The following TIMM50 variants were observed in gnomAD, a reference collection of about 807,000 sequenced individuals.
TIMM50 encodes the protein translocase of inner mitochondrial membrane 50.
Under a neutral mutation model 49.6 loss-of-function variants are expected in TIMM50, and 34 were observed. The observed-to-expected ratio is 0.69, with a 90% CI of 0.52 to 0.91. The LOEUF is 0.91. TIMM50 is among the 40% of genes least tolerant of loss of function. TIMM50 has a pLI of 0.00. For missense variants in TIMM50, 458 were observed against 477.8 expected, an observed-to-expected ratio of 0.96 and a Z score of 0.39; for synonymous variants, 199 against 198.4, an observed-to-expected ratio of 1.00 and a Z score of -0.03.
rs548403255 is a variant in TIMM50 at position 39,483,619 on chromosome 19, C to T, written c.313+463C>T. 1.9e-4 allele frequency: 30 copies of T among 159,292 alleles called. 1 individual carries two copies. The South Asian group carries it at 5.0e-3, about 26-fold the overall frequency. The allele number at this position is 159,292 out of a possible 1,614,324, so 9.9% of individuals were successfully genotyped here. A position where few individuals can be genotyped will look rare whatever the true frequency, so the allele number is the denominator to read the frequency against. On this transcript the variant is annotated intron_variant, in intron 4 of 10. Transcript: ENST00000607714. ...TAGAGAGTAGCTGTCAATCCTGTCA[C>T]ACCTGGCTCTTCCTAGGAGAAAAAT...
chr19:39,486,174 A>T lies in TIMM50; in HGVS notation c.493-13A>T, dbSNP rs765928934. On this transcript the variant is annotated splice_polypyrimidine_tract_variant and intron_variant, in intron 6 of 10. Transcript: ENST00000607714. ...TGGGTCTTGGTGTTTCACTGTCCTC[A>T]CTGTCTTCCCAGCTGGCCACTGGCT... The T allele has an allele frequency of 7.4e-6, 12 of 1,613,510 alleles. No homozygotes were observed. Among genetic ancestry groups the T allele is most frequent in the Non-Finnish European group, 1.0e-5 (12 of 1,179,644 alleles).
At position 39,481,991 on chromosome 19, in the gene TIMM50, C is replaced by T. The variant is rs78005989; in HGVS notation, c.217C>T (p.Leu73=). The change falls in exon 2 of 11, where the codon CTG becomes TTG. Residue 73 remains leucine, a synonymous_variant. Coordinates refer to ENST00000607714, the MANE Select transcript of TIMM50 (RefSeq NM_001001563.5). ...AAAAGTTGCGCTCTGGCTTGCTGGGCTGCTTGGAGCTGGTGGGACTGTGAG... is the reference window on the plus strand; with the variant it reads ...AAAAGTTGCGCTCTGGCTTGCTGGGTTGCTTGGAGCTGGTGGGACTGTGAG... ...AKKVALWLAG[L]LGAGGTVSVV... 444 of 1,614,164 alleles carry T rather than the reference C, an allele frequency of 2.8e-4. 1 individual carries two copies. Among genetic ancestry groups the T allele is most frequent in the Admixed American group, 3.7e-4 (22 of 60,014 alleles).
chr19:39,488,643 C>A lies in TIMM50; in HGVS notation c.958C>A (p.Gln320Lys). The change falls in exon 10 of 11, where the codon CAG becomes AAG. Residue 320 changes from glutamine to lysine, a missense_variant and splice_region_variant. Transcript: ENST00000607714. ...CAAACAGCGGCAAAGCCGGCTAGAG[C>A]AGGTTGGTGCTCAGATGCCCAGAGT... ...AFKQRQSRLE[Q>K]EEQQRLAELS... 1 of 1,613,416 alleles carries A rather than the reference C, an allele frequency of 6.2e-7. No individual in the cohort carries two copies. The highest frequency in any genetic ancestry group is 1.7e-4 in the Middle Eastern group (1 of 5,800).
chr19:39,484,697 T>C (rs1009821244), intron 4 of TIMM50, among the ~76,000 whole-genome samples: 3 of 152,220 alleles, frequency 2.0e-5, no homozygotes, highest in African/African-American at 7.2e-5. Context: ...ATATATTTAT[T>C]GTGGTTTAGA....
In TIMM50 at chr19:39,480,850, C is replaced by A; in HGVS notation, c.-4C>A. On this transcript the variant is annotated 5_prime_UTR_variant, in exon 1 of 11. Transcript: ENST00000607714. ...TGGGCGGGGCCGCGTGGCGTCAGCG[C>A]AAGATGGCGGCCTCGGCAGCGGTGT... 1 of 1,595,728 alleles carries A rather than the reference C, an allele frequency of 6.3e-7. No homozygotes were observed. Among genetic ancestry groups the A allele is most frequent in the Non-Finnish European group, 8.5e-7 (1 of 1,172,240 alleles).
chr19:39,485,702 C>CTT lies in TIMM50; in HGVS notation c.387_388insTT (p.Thr130LeufsTer71). On this transcript the variant is annotated frameshift_variant, in exon 6 of 11. Transcript: ENST00000607714. LOFTEE classifies it high-confidence loss of function. ...CTCTCCCACAGATGATCATCGAGCCCACCAGCCCTTGCCTTCTCCCAGACC... is the reference window on the plus strand; with the variant it reads ...CTCTCCCACAGATGATCATCGAGCCCTTACCAGCCCTTGCCTTCTCCCAGACC... 6.2e-7 allele frequency: 1 copy of CTT among 1,614,140 alleles called. No homozygotes were observed. The highest frequency in any genetic ancestry group is 8.5e-7 in the Non-Finnish European group (1 of 1,180,040).
intron 10 of TIMM50, among the ~76,000 whole-genome samples, 191 bp from the exon 11 acceptor site, chr19:39,489,528 G>T (rs1423333138): frequency 6.6e-6 from 1 of 152,060 alleles, no homozygotes; most frequent in Non-Finnish European, 1.5e-5. Context: ...AGTGTCTGGG[G>T]TGGGGGGACT....
chr19:39,483,046 C>T, intron 3 of TIMM50, 89 bp from the exon 4 acceptor site: 1 of 1,608,536 alleles, frequency 6.2e-7, no homozygotes. Context: ...TTGCCTGTTC[C>T]TCTTGGGGTC....
At chr19:39,489,233 A>C (rs2079528023) in intron 10 of TIMM50, among the ~76,000 whole-genome samples, 1 of 151,894 alleles carries the variant, frequency 6.6e-6, no homozygotes, top group African/African-American at 2.4e-5. Flanking sequence ...GAGAGGGGTC[A>C]TGGGGCTCAG....
intron 8 of TIMM50, among the ~76,000 whole-genome samples, chr19:39,486,859 C>T (rs1036537438): frequency 6.6e-6 from 1 of 152,134 alleles, no homozygotes; most frequent in Non-Finnish European, 1.5e-5. Flanking sequence ...TTGACCCGGG[C>T]TCTGTTACTG....
intron 9 of TIMM50, 38 bp downstream of exon 9, chr19:39,488,255 G>A: frequency 1.3e-6 from 2 of 1,585,006 alleles, no homozygotes; most frequent in South Asian, 2.2e-5. Flanking sequence ...TCTGACCCCA[G>A]AGCCCCTGAC....
In TIMM50 at chr19:39,488,330, C is replaced by T. The variant is rs1468495572; in HGVS notation, c.853+113C>T. 3 of 1,323,436 alleles carry T rather than the reference C, an allele frequency of 2.3e-6. No individual in the cohort carries two copies. In the Admixed American group the frequency reaches 6.4e-5, roughly 28 times the overall value. The allele number at this position is 1,323,436 out of a possible 1,614,324, so 82.0% of individuals were successfully genotyped here. A position where few individuals can be genotyped will look rare whatever the true frequency, so the allele number is the denominator to read the frequency against. On this transcript the variant is annotated intron_variant, in intron 9 of 10. Transcript: ENST00000607714. ...GACTGAGGTGCAAGAGGTGCCTGAG[C>T]ACCTTGGAGTCTTTAGGAGCTTCTT... is the stretch of plus-strand genomic sequence containing the variant.
chr19:39,491,844 A>G lies in TIMM50; in HGVS notation c.*2024A>G, dbSNP rs1386579852. On this transcript the variant is annotated 3_prime_UTR_variant, in exon 11 of 11. Coordinates refer to ENST00000607714, the MANE Select transcript of TIMM50 (RefSeq NM_001001563.5). ...CCTGTCTCAAAAAAAAAAAAAAAAA[A>G]AAAAAAACCTTAAGATTTTTTTTTG... is the stretch of plus-strand genomic sequence containing the variant. 5.9e-5 allele frequency: 9 copies of G among 151,480 alleles called. No individual in the cohort carries two copies. Among genetic ancestry groups the G allele is most frequent in the Non-Finnish European group, 1.2e-4 (8 of 67,930 alleles). 9.4% of individuals were successfully genotyped at this position (151,480 alleles called of 1,614,324 possible). A position where few individuals can be genotyped will look rare whatever the true frequency, so the allele number is the denominator to read the frequency against.
chr19:39,486,409 C>G lies in TIMM50; in HGVS notation c.610C>G (p.Leu204Val). 2 of 1,614,214 alleles carry G rather than the reference C, an allele frequency of 1.2e-6. No individual in the cohort carries two copies. Among genetic ancestry groups the G allele is most frequent in the Non-Finnish European group, 1.7e-6 (2 of 1,180,038 alleles). Residue 204 changes from leucine (L) to valine (V), a missense_variant, in exon 8 of 11, where the codon CTC becomes GTC. Coordinates refer to ENST00000607714, the MANE Select transcript of TIMM50 (RefSeq NM_001001563.5). ...TSETGMTAFP[L>V]IDSVDPHGFI... ...TTCCCACCCCCAGACTGCGTTTCCA[C>G]TCATTGATAGTGTGGACCCCCATGG...
Position 39,488,569 on chromosome 19 carries a change from G to C in TIMM50, c.884G>C (p.Arg295Pro). Residue 295 changes from arginine (R) to proline (P), a missense_variant, in exon 10 of 11, where the codon CGA becomes CCA. Physicochemically the swap from Arg to Pro is moderately radical, Grantham distance 103 (BLOSUM62 -2). Transcript: ENST00000607714. ...TIALNGVEDV[R>P]TVLEHYALED... ...GCACTGAATGGTGTGGAGGACGTGC[G>C]AACCGTGCTGGAGCACTATGCCCTG... is the stretch of plus-strand genomic sequence containing the variant. The C allele has an allele frequency of 6.2e-7, 1 of 1,613,140 alleles. No individual in the cohort carries two copies.
chr19:39,491,843 A>C lies in TIMM50; in HGVS notation c.*2023A>C, dbSNP rs1391646391. 2.6e-5 allele frequency: 4 copies of C among 151,330 alleles called. No homozygotes were observed. Among genetic ancestry groups the C allele is most frequent in the Admixed American group, 6.6e-5 (1 of 15,200 alleles). The allele number at this position is 151,330 out of a possible 1,614,324, so 9.4% of individuals were successfully genotyped here. On this transcript the variant is annotated 3_prime_UTR_variant, in exon 11 of 11. Coordinates refer to ENST00000607714, the MANE Select transcript of TIMM50 (RefSeq NM_001001563.5). ...CCCTGTCTCAAAAAAAAAAAAAAAA[A>C]AAAAAAAACCTTAAGATTTTTTTTT... is the stretch of plus-strand genomic sequence containing the variant.
intron 2 of TIMM50, 35 bp downstream of exon 2, chr19:39,482,068 C>G: frequency 6.2e-7 from 1 of 1,601,316 alleles, no homozygotes; most frequent in Non-Finnish European, 8.5e-7. Flanking sequence ...AGTTTTGTTC[C>G]TTGGCCTCCC....
At position 39,483,168 on chromosome 19, in the gene TIMM50, A is replaced by G. The variant is rs376042668; in HGVS notation, c.313+12A>G. 77 of 1,614,004 alleles carry G rather than the reference A, an allele frequency of 4.8e-5. No individual in the cohort carries two copies. The highest frequency in any genetic ancestry group is 5.9e-5 in the Non-Finnish European group (70 of 1,180,012). On this transcript the variant is annotated intron_variant, in intron 4 of 10. Transcript: ENST00000607714. Reference sequence around the variant, plus strand: ...TGAGTTCGACAATGGTGAGTAAACAAGCACAGATTCTGGAGTCCCTGACCC... The same window carrying G: ...TGAGTTCGACAATGGTGAGTAAACAGGCACAGATTCTGGAGTCCCTGACCC...
chr19:39,488,114 G>T lies in TIMM50; in HGVS notation c.750G>T (p.Lys250Asn). 2 of 1,613,904 alleles carry T rather than the reference G, an allele frequency of 1.2e-6. No individual in the cohort carries two copies. The highest frequency in any genetic ancestry group is 1.7e-6 in the Non-Finnish European group (2 of 1,179,808). The part of the protein sequence containing the change: ...DPARVVVVDC[K>N]KEAFRLQPYN... ...CTCGAGTAGTAGTTGTGGACTGCAA[G>T]AAGGAAGCCTTCCGCCTGCAGCCCT... The change falls in exon 9 of 11, where the codon AAG becomes AAT. Residue 250 changes from lysine to asparagine, a missense_variant. By Grantham distance (94) the Lys-to-Asn change is moderately conservative. Transcript: ENST00000607714.
Sources: gnomAD v4.1 joint callset for allele counts (sites outside exome capture counted in the v4.1 genomes callset) on GRCh38, gnomAD v4.1.1 for gene constraint, MANE v1.5 for transcripts, NCBI Gene and HGNC (gene_info 2026-07-23, HGNC 2026-07-21) for gene names.